The following METTL15 variants were observed in gnomAD, a reference collection of about 807,000 sequenced individuals.
METTL15 encodes 12S rRNA N(4)-cytidine methyltransferase METTL15.
In METTL15, 34 loss-of-function variants were observed where a neutral mutation model predicts 38.3. The observed-to-expected ratio is 0.89, with a 90% CI of 0.68 to 1.18. The LOEUF (loss-of-function observed/expected upper bound fraction) is 1.18. Among genes scored for constraint, METTL15 ranks in the 50% most tolerant of loss-of-function variants. METTL15 has a pLI of 0.00. For missense variants in METTL15, 438 were observed against 498.4 expected (o/e 0.88, Z 1.15); for synonymous variants, 162 against 170.9 (o/e 0.95, Z 0.41).
chr11:28,308,749 C>T (rs988273170), intron 6 of METTL15, among the ~76,000 whole-genome samples: 1 of 151,944 alleles, frequency 6.6e-6, no homozygotes, highest in South Asian at 2.1e-4. Context: ...TTTAGTTTCC[C>T]CAAATCTCCA....
intron 4 of METTL15, among the ~76,000 whole-genome samples, chr11:28,274,280 A>G (rs564680874): frequency 6.6e-6 from 1 of 152,182 alleles, no homozygotes; most frequent in East Asian, 1.9e-4. Flanking sequence ...TCAGAGATGT[A>G]AAAGGGTATA....
chr11:28,289,798 A>T (rs1856437889), intron 4 of METTL15, among the ~76,000 whole-genome samples: 1 of 152,080 alleles, frequency 6.6e-6, no homozygotes, highest in Non-Finnish European at 1.5e-5. Flanking sequence ...CTTTTTTATG[A>T]TTTATATTAT....
At chr11:28,145,628 G>A (rs1474795673) in intron 3 of METTL15, 1 of 151,558 alleles carries the variant, frequency 6.6e-6, no homozygotes, top group Non-Finnish European at 1.5e-5. Context: ...TCATTTCTGT[G>A]GTCCTTTACC....
At chr11:28,456,169 C>G (rs543838939) in intron 6 of METTL15, among the ~76,000 whole-genome samples, 168 of 149,914 alleles carry the variant, frequency 1.1e-3, no homozygotes, top group African/African-American at 4.0e-3. Context: ...CCATGCCTGG[C>G]TAATTTTTAA....
At chr11:28,518,990 T>C (rs1381587893) in intron 6 of METTL15, 7 of 152,262 alleles carry the variant, frequency 4.6e-5, no homozygotes, top group Non-Finnish European at 4.4e-5. Flanking sequence ...TTTGTTTGCA[T>C]ATTTCTCAGG....
At chr11:28,124,270 A>G (rs1852376618) in intron 3 of METTL15, among the ~76,000 whole-genome samples, 1 of 152,052 alleles carries the variant, frequency 6.6e-6, no homozygotes, top group Non-Finnish European at 1.5e-5. Context: ...AGGCCCCTTA[A>G]TCCCTTAGGA....
chr11:28,293,812 G>C (rs1295062015), intron 5 of METTL15, among the ~76,000 whole-genome samples: 1 of 152,106 alleles, frequency 6.6e-6, no homozygotes, highest in African/African-American at 2.4e-5. Context: ...TATTCTCTTT[G>C]AAGCAATTGT....
intron 3 of METTL15, among the ~76,000 whole-genome samples, chr11:28,210,015 G>A (rs751612166): frequency 4.6e-5 from 7 of 151,938 alleles, no homozygotes; most frequent in Non-Finnish European, 1.0e-4. Context: ...AACTTTGAGG[G>A]AATATGTGGA....
intron 4 of METTL15, among the ~76,000 whole-genome samples, chr11:28,359,933 C>T (rs1850122033): frequency 6.6e-6 from 1 of 152,144 alleles, no homozygotes; most frequent in Non-Finnish European, 1.5e-5. Flanking sequence ...AACTGTTGCT[C>T]TGATGCCTGT....
At chr11:28,203,607 A>G (rs763703909) in intron 3 of METTL15, among the ~76,000 whole-genome samples, 9 of 152,192 alleles carry the variant, frequency 5.9e-5, no homozygotes, top group Middle Eastern at 3.4e-3. Context: ...CTTTGCCCCA[A>G]CTAGCGACCA....
chr11:28,234,092 ATAAT>A (rs1202065277), intron 4 of METTL15, among the ~76,000 whole-genome samples: 1 of 152,012 alleles, frequency 6.6e-6, no homozygotes, highest in Non-Finnish European at 1.5e-5. Flanking sequence ...ACTGAGAATG[ATAAT>A]TTCCAATTTC....
At chr11:28,419,573 A>C (rs1359377934) in intron 5 of METTL15, among the ~76,000 whole-genome samples, 1 of 152,194 alleles carries the variant, frequency 6.6e-6, no homozygotes, top group Non-Finnish European at 1.5e-5. Context: ...TGTGAAGACT[A>C]CCATAAATAC....
chr11:28,142,246 G>T (rs1485296619), intron 3 of METTL15, among the ~76,000 whole-genome samples: 1 of 152,150 alleles, frequency 6.6e-6, no homozygotes, highest in African/African-American at 2.4e-5. Context: ...TGGTTTTATA[G>T]ATAGAAAAGG....
chr11:28,438,672 CTTTTTTTT>C (rs1171439330), intron 6 of METTL15, among the ~76,000 whole-genome samples: 5 of 128,224 alleles, frequency 3.9e-5, no homozygotes, highest in African/African-American at 1.5e-4. Flanking sequence ...TTTCTTTTTT[CTTTTTTTT>C]TTTTTTTTTT....
At chr11:28,253,870 A>T (rs905947690) in intron 4 of METTL15, among the ~76,000 whole-genome samples, 5 of 151,898 alleles carry the variant, frequency 3.3e-5, no homozygotes, top group African/African-American at 1.2e-4. Context: ...CATTTTCTTT[A>T]TCCATTTATT....
intron 3 of METTL15, among the ~76,000 whole-genome samples, chr11:28,157,719 T>C (rs1850311708): frequency 6.6e-6 from 1 of 152,052 alleles, no homozygotes; most frequent in Admixed American, 6.5e-5. Context: ...CTCGAGCAGG[T>C]CCTGAAGGCA....
chr11:28,160,792 TAATAA>T (rs1380768980), intron 3 of METTL15, among the ~76,000 whole-genome samples: 3 of 152,074 alleles, frequency 2.0e-5, no homozygotes, highest in Non-Finnish European at 4.4e-5. Flanking sequence ...ATAACCATAA[TAATAA>T]AATAAACAAA....
At chr11:28,178,343 C>T (rs1326149925) in intron 3 of METTL15, among the ~76,000 whole-genome samples, 2 of 151,816 alleles carry the variant, frequency 1.3e-5, no homozygotes, top group Non-Finnish European at 2.9e-5. Flanking sequence ...TTTAACAATT[C>T]GCTGCTATTA....
chr11:28,212,048 CTT>C (rs1852663723), intron 4 of METTL15, among the ~76,000 whole-genome samples: 1 of 151,926 alleles, frequency 6.6e-6, no homozygotes, highest in African/African-American at 2.4e-5. Context: ...AAAATGGTCT[CTT>C]TGGTGAAGTT....
Sources: allele counts gnomAD v4.1 joint callset (sites outside exome capture counted in the v4.1 genomes callset), GRCh38; gene constraint gnomAD v4.1.1; transcripts MANE v1.5; gene names NCBI Gene and HGNC (gene_info 2026-07-23, HGNC 2026-07-21).